The following ASXL2 variants were observed in gnomAD, a reference collection of about 807,000 sequenced individuals.
ASXL2 encodes the protein ASXL transcriptional regulator 2.
In ASXL2, 23 loss-of-function variants were observed where a neutral mutation model predicts 122.0. That is an observed-to-expected ratio of 0.19 (90% CI 0.14 to 0.27). ASXL2 has a LOEUF of 0.27. ASXL2 is among the 10% of genes least tolerant of loss of function. ASXL2 has a pLI of 1.00. For missense variants in ASXL2, 1,518 were observed against 1,713.8 expected, an observed-to-expected ratio of 0.89 and a Z score of 2.02; for synonymous variants, 650 against 637.0, an observed-to-expected ratio of 1.02 and a Z score of -0.31.
At chr2:25,811,476 A>C (rs2089169713) in intron 3 of ASXL2, among the ~76,000 whole-genome samples, 1 of 152,098 alleles carries the variant, frequency 6.6e-6, no homozygotes, top group African/African-American at 2.4e-5. Flanking sequence ...CAAAAGATTA[A>C]TAGTCCTAAG....
intron 3 of ASXL2, chr2:25,810,465 G>A (rs1238039152): frequency 4.1e-6 from 3 of 728,224 alleles, no homozygotes; most frequent in Non-Finnish European, 7.5e-6. Context: ...CCTGAGCACA[G>A]TCCAGCTCCT....
chr2:25,826,289 A>C (rs990074445), intron 3 of ASXL2, among the ~76,000 whole-genome samples: 1 of 152,196 alleles, frequency 6.6e-6, no homozygotes, highest in Non-Finnish European at 1.5e-5. Context: ...TATCATTCCA[A>C]TGACAGTTGT....
chr2:25,786,243 C>CTTTTTTTTT (rs370316025), intron 5 of ASXL2, among the ~76,000 whole-genome samples: 7 of 112,404 alleles, frequency 6.2e-5, no homozygotes, highest in East Asian at 3.9e-4. Flanking sequence ...CCACATCATT[C>CTTTTTTTTT]TTTTTTTTTT....
rs193158081 is a variant in ASXL2, at chr2:25,781,849, A to G, written c.404-10309T>C. 4.1e-3 allele frequency among the ~76,000 whole-genome samples: 620 copies of G among 150,696 alleles called. 2 individuals are homozygous for G. The highest frequency in any genetic ancestry group is 7.1e-3 in the Non-Finnish European group (481 of 67,644). Reference sequence around the variant, plus strand: ...ATGCCCAGCTATTTATTTTTAGTAGAGACGGGGTTTTGCCATATCGGCCAG... The same window carrying G: ...ATGCCCAGCTATTTATTTTTAGTAGGGACGGGGTTTTGCCATATCGGCCAG... On this transcript the variant is annotated intron_variant, in intron 5 of 12. Transcript: ENST00000435504.
chr2:25,819,524 T>C (rs553772666), intron 3 of ASXL2, among the ~76,000 whole-genome samples: 3 of 152,304 alleles, frequency 2.0e-5, no homozygotes, highest in African/African-American at 7.2e-5. Context: ...AGATATATTA[T>C]GGTAAAAATG....
At chr2:25,754,334 T>C (rs957973678) in intron 10 of ASXL2, among the ~76,000 whole-genome samples, 16 of 152,180 alleles carry the variant, frequency 1.1e-4, no homozygotes, top group African/African-American at 3.9e-4. Context: ...ATCTTCAAAC[T>C]TGTGGCTCAG....
intron 1 of ASXL2, among the ~76,000 whole-genome samples, chr2:25,857,138 C>T: frequency 7.2e-6 from 1 of 138,454 alleles, no homozygotes; most frequent in African/African-American, 2.8e-5. Context: ...ATTCAAAAAA[C>T]AAGGCTCTTT....
intron 8 of ASXL2, among the ~76,000 whole-genome samples, chr2:25,762,797 G>A (rs2088277790): frequency 6.6e-6 from 1 of 151,406 alleles, no homozygotes; most frequent in Non-Finnish European, 1.5e-5. Flanking sequence ...CTCATCAAAT[G>A]GGAGCCTGTC....
At chr2:25,824,309 T>C (rs1033571438) in intron 3 of ASXL2, among the ~76,000 whole-genome samples, 10 of 152,158 alleles carry the variant, frequency 6.6e-5, no homozygotes, top group Non-Finnish European at 1.5e-4. Flanking sequence ...ATTCATTTAA[T>C]ATTTACAAAG....
rs375530781 is a variant in ASXL2, at chr2:25,840,894, A to T, written c.140+4587T>A. On this transcript the variant is annotated intron_variant, in intron 2 of 12. Transcript: ENST00000435504. The stretch of plus-strand genomic sequence containing the variant: ...AAAAATATAAAGGGAGTAGAGCTCA[A>T]AGTCATGTATTAAGGTCCGAGGAAT... 4.1e-4 allele frequency among the ~76,000 whole-genome samples: 62 copies of T among 152,368 alleles called. No individual in the cohort carries two copies. In the South Asian group the frequency reaches 0.012, roughly 30 times the overall value.
chr2:25,820,143 T>C (rs892427753), intron 3 of ASXL2, among the ~76,000 whole-genome samples: 3 of 152,148 alleles, frequency 2.0e-5, no homozygotes, highest in Non-Finnish European at 2.9e-5. Flanking sequence ...CTTGAACTCC[T>C]GCACTCAAGC....
chr2:25,744,448 G>A lies in ASXL2; in HGVS notation c.1889C>T (p.Pro630Leu), dbSNP rs767307523. Residue 630 changes from proline (P) to leucine (L), a missense_variant, in exon 13 of 13, where the codon CCG (proline) becomes CTG (leucine). Around this residue, in one of 8 missense-constraint regions of ASXL2, gnomAD observed 292 missense variants for 293.5 expected, o/e 1.00. Transcript: ENST00000435504. This position sits in a 1 kb window ranked among gnomAD's most constrained non-coding sequence, Gnocchi z 4.7. ...GGGAGAGACCTGCGATGGATGAAAC[G>A]GCATGGGGGAGATTCTGGAGACCGG... ...KIPVSRISPM[P>L]FHPSQVSPRA... 1.1e-5 allele frequency: 18 copies of A among 1,605,732 alleles called. No homozygotes were observed. Among genetic ancestry groups the A allele is most frequent in the Middle Eastern group, 1.7e-4 (1 of 6,052 alleles).
At chr2:25,792,641 C>G (rs899811844) in intron 5 of ASXL2, among the ~76,000 whole-genome samples, 22 of 151,640 alleles carry the variant, frequency 1.5e-4, no homozygotes, top group Admixed American at 8.5e-4. Flanking sequence ...CTCACTTTGT[C>G]GCCCAGGCTA....
At chr2:25,746,487 A>G (rs1171281018) in intron 12 of ASXL2, among the ~76,000 whole-genome samples, 2 of 144,430 alleles carry the variant, frequency 1.4e-5, no homozygotes, top group Non-Finnish European at 3.0e-5. Flanking sequence ...CATATGAAAG[A>G]AACTGCAGGG....
intron 1 of ASXL2, among the ~76,000 whole-genome samples, chr2:25,852,601 A>G (rs1295496350): frequency 2.0e-5 from 3 of 151,972 alleles, no homozygotes; most frequent in Non-Finnish European, 4.4e-5. Flanking sequence ...CATACCAGTA[A>G]ATCAGATCAG....
At position 25,839,604 on chromosome 2, in the gene ASXL2, G is replaced by A. The variant is rs1390572094; in HGVS notation, c.141-4064C>T. 2.0e-5 allele frequency among the ~76,000 whole-genome samples: 3 copies of A among 147,318 alleles called. No homozygotes were observed. The East Asian group carries it at 5.9e-4, about 29-fold the overall frequency. On this transcript the variant is annotated intron_variant, in intron 2 of 12. Coordinates refer to ENST00000435504, the MANE Select transcript of ASXL2 (RefSeq NM_018263.6). ...TTTTTCTTCCCTATTACTCCTATGG[G>A]AAATTCTATCTTTTTTTTTTTTTTT...
At chr2:25,820,545 G>A (rs1293728142) in intron 3 of ASXL2, among the ~76,000 whole-genome samples, 2 of 152,198 alleles carry the variant, frequency 1.3e-5, no homozygotes, top group Non-Finnish European at 2.9e-5. Context: ...TTATATGAAT[G>A]TCCAGATATG....
intron 8 of ASXL2, among the ~76,000 whole-genome samples, chr2:25,767,018 T>C (rs2088365612): frequency 6.6e-6 from 1 of 152,188 alleles, no homozygotes; most frequent in East Asian, 1.9e-4. Flanking sequence ...AAAAATTCTA[T>C]CCAGTTTTCA....
intron 1 of ASXL2, among the ~76,000 whole-genome samples, chr2:25,870,050 A>G (rs2089951252): frequency 6.6e-6 from 1 of 152,060 alleles, no homozygotes; most frequent in Non-Finnish European, 1.5e-5. Context: ...GTAGTGCACT[A>G]CATAGTCTTT....
Sources: allele counts gnomAD v4.1 joint callset (sites outside exome capture counted in the v4.1 genomes callset), GRCh38; gene constraint gnomAD v4.1.1; regional missense constraint gnomAD v4.1.1; non-coding constraint Gnocchi (gnomAD v3.1); transcripts MANE v1.5; gene names NCBI Gene and HGNC (gene_info 2026-07-23, HGNC 2026-07-21).